The following COL5A2 variants were observed in gnomAD, a reference collection of about 807,000 sequenced individuals.
COL5A2 encodes collagen type V alpha 2 chain.
A neutral mutation model predicts 208.2 loss-of-function variants in COL5A2; 23 were observed. The observed-to-expected ratio is 0.11, with a 90% confidence interval of 0.08 to 0.16. The LOEUF is 0.16. COL5A2 is among the 10% of genes least tolerant of loss of function. The pLI is 1.00. For missense variants in COL5A2, 1,590 were observed against 1,956.4 expected, an observed-to-expected ratio of 0.81 and a Z score of 3.53; for synonymous variants, 625 against 628.5, an observed-to-expected ratio of 0.99 and a Z score of 0.08.
chr2:189,223,378 C>T (rs1044887955), intron 1 of COL5A2, among the ~76,000 whole-genome samples: 2 of 152,140 alleles, frequency 1.3e-5, no homozygotes, highest in Non-Finnish European at 2.9e-5. Context: ...TTTCCAAATT[C>T]AAATCATTCT....
At chr2:189,238,409 G>C in the COL5A2 span, among the ~76,000 whole-genome samples, 2 of 152,018 alleles carry the variant, frequency 1.3e-5, no homozygotes, top group Admixed American at 1.3e-4. Context: ...AATTCAAAAG[G>C]ATAAACTTCC....
the COL5A2 span, among the ~76,000 whole-genome samples, chr2:189,304,377 C>T: frequency 6.6e-6 from 1 of 152,060 alleles, no homozygotes; most frequent in Non-Finnish European, 1.5e-5. Context: ...TCTTGCATTG[C>T]TATAAAGAAA....
chr2:189,418,531 A>G, the COL5A2 span, among the ~76,000 whole-genome samples: 13 of 152,352 alleles, frequency 8.5e-5, no homozygotes, highest in East Asian at 2.5e-3. Flanking sequence ...ATAACCACAG[A>G]ACAGGTTTGT....
the COL5A2 span, among the ~76,000 whole-genome samples, chr2:189,331,424 T>C: frequency 6.6e-6 from 1 of 152,138 alleles, no homozygotes; most frequent in African/African-American, 2.4e-5. Context: ...AAATCTCATC[T>C]TGCATTCACA....
chr2:189,390,183 G>A, the COL5A2 span, among the ~76,000 whole-genome samples: 1 of 151,892 alleles, frequency 6.6e-6, no homozygotes, highest in South Asian at 2.1e-4. Context: ...TTGAACTGTA[G>A]ACTCACCATC....
At chr2:189,075,759 A>G (rs2105622793) in intron 16 of COL5A2, among the ~76,000 whole-genome samples, 1 of 152,332 alleles carries the variant, frequency 6.6e-6, no homozygotes, top group South Asian at 2.1e-4. Flanking sequence ...ACACCTCAGT[A>G]TTCTTAATAG....
At chr2:189,078,434 A>T in intron 16 of COL5A2, 82 bp downstream of exon 16, 2 of 1,136,236 alleles carry the variant, frequency 1.8e-6, no homozygotes, top group Non-Finnish European at 2.7e-6. Context: ...ACTTTCATTT[A>T]AAAGGCAAGT....
intron 40 of COL5A2, among the ~76,000 whole-genome samples, chr2:189,052,431 C>T (rs1001324740): frequency 2.6e-5 from 4 of 151,926 alleles, no homozygotes; most frequent in Non-Finnish European, 5.9e-5. Flanking sequence ...TTCCTTTTTC[C>T]ATGCAGGTAG....
chr2:189,267,329 A>G, the COL5A2 span, among the ~76,000 whole-genome samples: 1 of 152,192 alleles, frequency 6.6e-6, no homozygotes, highest in Admixed American at 6.5e-5. Flanking sequence ...AAAATCTCTA[A>G]AAATATTTAT....
At chr2:189,130,902 A>G (rs1289059345) in intron 1 of COL5A2, among the ~76,000 whole-genome samples, 2 of 152,120 alleles carry the variant, frequency 1.3e-5, no homozygotes, top group Non-Finnish European at 2.9e-5. Flanking sequence ...TGTTAGAAAT[A>G]TAAGTGTTAA....
At chr2:189,433,949 C>G in the COL5A2 span, among the ~76,000 whole-genome samples, 2 of 152,178 alleles carry the variant, frequency 1.3e-5, no homozygotes, top group Admixed American at 1.3e-4. Context: ...TACTGGCAAA[C>G]CAAATCCAGC....
the COL5A2 span, among the ~76,000 whole-genome samples, chr2:189,238,827 T>C: frequency 6.6e-6 from 1 of 152,134 alleles, no homozygotes; most frequent in Non-Finnish European, 1.5e-5. Context: ...CTCCACCTGG[T>C]TTCTCCCTTG....
chr2:189,268,864 G>C, the COL5A2 span, among the ~76,000 whole-genome samples: 1 of 152,102 alleles, frequency 6.6e-6, no homozygotes, highest in African/African-American at 2.4e-5. Flanking sequence ...AATCAGATTT[G>C]AGTGTTAGAT....
At chr2:189,321,855 A>C in the COL5A2 span, among the ~76,000 whole-genome samples, 3 of 152,138 alleles carry the variant, frequency 2.0e-5, no homozygotes, top group African/African-American at 4.8e-5. Flanking sequence ...ACTCTCCACC[A>C]CAAATCAACA....
rs1187054851 is a variant in COL5A2, at chr2:189,186,484, C to T, written c.-42+38664G>A. 5.3e-5 allele frequency among the ~76,000 whole-genome samples: 8 copies of T among 152,162 alleles called. No individual in the cohort carries two copies. The East Asian group carries it at 9.6e-4, about 18-fold the overall frequency. ...AACTAATTTAATCCTAAAATCAACA[C>T]GGTGGGGTAAGTGCTACTTTTTTTC... On this transcript the variant is annotated intron_variant, in intron 1 of 10. Coordinates refer to the COL5A2 transcript ENST00000649966.
chr2:189,051,254 C>T (rs192665175), intron 42 of COL5A2, 66 bp downstream of exon 42: 3 of 1,601,126 alleles, frequency 1.9e-6, no homozygotes, highest in African/African-American at 2.7e-5. Context: ...TGACACTGAT[C>T]ATTATGGGTT....
At chr2:189,050,736 T>C in intron 42 of COL5A2, 60 bp from the exon 43 acceptor site, 2 of 1,408,800 alleles carry the variant, frequency 1.4e-6, no homozygotes, top group Non-Finnish European at 2.0e-6. Flanking sequence ...ACCCAAGGAA[T>C]TTACAATAAG....
chr2:189,385,415 AT>A, the COL5A2 span, among the ~76,000 whole-genome samples: 1 of 152,148 alleles, frequency 6.6e-6, no homozygotes, highest in Non-Finnish European at 1.5e-5. Flanking sequence ...CATCTAACAA[AT>A]GGGGTGAAAG....
the COL5A2 span, among the ~76,000 whole-genome samples, chr2:189,415,819 C>A: frequency 2.0e-5 from 3 of 152,094 alleles, no homozygotes; most frequent in African/African-American, 7.2e-5. Flanking sequence ...ACCACCACAC[C>A]CAGCTAATTT....
Sources: allele counts gnomAD v4.1 joint callset (sites outside exome capture counted in the v4.1 genomes callset), GRCh38; gene constraint gnomAD v4.1.1; transcripts MANE v1.5; gene names NCBI Gene and HGNC (gene_info 2026-07-23, HGNC 2026-07-21).